TRPM3: variants seen among roughly 807,000 people sequenced by gnomAD.
TRPM3 encodes the protein long transient receptor potential channel 3.
In TRPM3, 77 loss-of-function variants were observed where a neutral mutation model predicts 181.2. That is an observed-to-expected ratio of 0.42 (90% CI 0.35 to 0.51). The LOEUF (loss-of-function observed/expected upper bound fraction) is 0.51. TRPM3 is among the 20% of genes least tolerant of loss of function. The probability of loss-of-function intolerance (pLI) is 0.01; values close to 1 mark genes in which losing one functional copy is unlikely to be tolerated. For missense variants in TRPM3, 1,759 were observed against 2,196.7 expected (o/e 0.80, Z 3.98); for synonymous variants, 745 against 796.4 (o/e 0.94, Z 1.09).
chr9:70,965,188 T>C (rs2097173551), intron 1 of TRPM3, among the ~76,000 whole-genome samples: 1 of 152,142 alleles, frequency 6.6e-6, no homozygotes, highest in Non-Finnish European at 1.5e-5. Context: ...ATAAAATAGT[T>C]CCATTGGTGC....
At chr9:71,327,416 C>T (rs1043382525) in intron 1 of TRPM3, among the ~76,000 whole-genome samples, 3 of 152,056 alleles carry the variant, frequency 2.0e-5, no homozygotes, top group Admixed American at 6.6e-5. Flanking sequence ...AGAAATGTCC[C>T]CTTCAGAAGA....
At chr9:71,042,944 C>T (rs996895534) in intron 1 of TRPM3, among the ~76,000 whole-genome samples, 4 of 152,154 alleles carry the variant, frequency 2.6e-5, no homozygotes, top group Non-Finnish European at 4.4e-5. Flanking sequence ...ACTATAGAGA[C>T]TTTGAAATGA....
chr9:70,542,499 A>G (rs2043713120), intron 25 of TRPM3, among the ~76,000 whole-genome samples: 2 of 152,186 alleles, frequency 1.3e-5, no homozygotes, highest in Admixed American at 1.3e-4. Context: ...GAGAAGGCCC[A>G]GTGGGTGGGT....
At chr9:71,296,078 A>G (rs1221343680) in intron 1 of TRPM3, among the ~76,000 whole-genome samples, 1 of 152,112 alleles carries the variant, frequency 6.6e-6, no homozygotes, top group African/African-American at 2.4e-5. Flanking sequence ...ACTAAGAAAT[A>G]CTAAGTATAG....
intron 1 of TRPM3, among the ~76,000 whole-genome samples, chr9:71,160,965 G>A (rs1314929005): frequency 6.6e-6 from 1 of 152,072 alleles, no homozygotes; most frequent in Non-Finnish European, 1.5e-5. Flanking sequence ...CCAATTCAAT[G>A]TAAATCAATT....
intron 22 of TRPM3, among the ~76,000 whole-genome samples, chr9:70,554,070 G>GA (rs149851563): frequency 1.4e-5 from 2 of 145,816 alleles, no homozygotes; most frequent in Non-Finnish European, 3.0e-5. Context: ...CAAATGGGGG[G>GA]AAAAAAAAAG....
chr9:70,981,238 C>T (rs982236058), intron 1 of TRPM3, among the ~76,000 whole-genome samples: 4 of 152,162 alleles, frequency 2.6e-5, no homozygotes, highest in Non-Finnish European at 5.9e-5. Flanking sequence ...CTGTTGATTT[C>T]TTCTGCAGTT....
chr9:71,351,488 T>G (rs532029072), intron 1 of TRPM3, among the ~76,000 whole-genome samples: 2 of 152,336 alleles, frequency 1.3e-5, no homozygotes, highest in South Asian at 4.1e-4. Flanking sequence ...ATATGATTAG[T>G]GAAAGAATTT....
At chr9:71,397,562 C>T (rs991618718) in intron 1 of TRPM3, among the ~76,000 whole-genome samples, 1 of 152,070 alleles carries the variant, frequency 6.6e-6, no homozygotes, top group African/African-American at 2.4e-5. Context: ...ACTTTTTCAC[C>T]CCTACAAGGC....
At chr9:70,747,493 T>G (rs1010543193) in intron 8 of TRPM3, among the ~76,000 whole-genome samples, 5 of 152,160 alleles carry the variant, frequency 3.3e-5, no homozygotes, top group Admixed American at 3.3e-4. Flanking sequence ...GGCAAAACAT[T>G]CTACTTTACG....
At chr9:71,201,050 C>T (rs1034086404) in intron 1 of TRPM3, among the ~76,000 whole-genome samples, 16 of 151,634 alleles carry the variant, frequency 1.1e-4, no homozygotes, top group Admixed American at 3.3e-4. Context: ...CCTTCAGGAG[C>T]TCTTTTAGGG....
intron 1 of TRPM3, among the ~76,000 whole-genome samples, chr9:71,243,388 G>A (rs375074019): frequency 2.6e-5 from 4 of 152,128 alleles, no homozygotes; most frequent in Admixed American, 1.3e-4. Context: ...TGTCATCTCC[G>A]CTGTGCAGCT....
At chr9:71,210,220 A>G (rs936941629) in intron 1 of TRPM3, among the ~76,000 whole-genome samples, 6 of 151,958 alleles carry the variant, frequency 3.9e-5, no homozygotes, top group African/African-American at 1.5e-4. Context: ...TAGGTTGCGC[A>G]CTCTTTATGA....
chr9:71,161,510 T>C (rs2076270758), intron 1 of TRPM3, among the ~76,000 whole-genome samples: 1 of 152,184 alleles, frequency 6.6e-6, no homozygotes, highest in Non-Finnish European at 1.5e-5. Context: ...CTGATATCTG[T>C]TGTTACGTCC....
chr9:70,883,277 C>A (rs556512170), intron 1 of TRPM3, among the ~76,000 whole-genome samples: 2 of 152,282 alleles, frequency 1.3e-5, no homozygotes, highest in African/African-American at 2.4e-5. Context: ...TTGACTTTTG[C>A]ATTTCCCTCA....
At chr9:71,012,933 A>G (rs1279095095) in intron 1 of TRPM3, among the ~76,000 whole-genome samples, 1 of 152,084 alleles carries the variant, frequency 6.6e-6, no homozygotes, top group Non-Finnish European at 1.5e-5. Context: ...TGATAGTAAG[A>G]TACTGGCCAT....
chr9:71,389,122 G>T (rs1046417587), intron 1 of TRPM3, among the ~76,000 whole-genome samples: 1 of 151,604 alleles, frequency 6.6e-6, no homozygotes, highest in Non-Finnish European at 1.5e-5. Flanking sequence ...AATCTACAAC[G>T]AACTCAAAGC....
intron 1 of TRPM3, among the ~76,000 whole-genome samples, chr9:71,418,498 T>C (rs1791199421): frequency 6.6e-6 from 1 of 151,762 alleles, no homozygotes; most frequent in Admixed American, 6.6e-5. Flanking sequence ...TCTGGTCTCA[T>C]CCTTGCCCAC....
intron 1 of TRPM3, among the ~76,000 whole-genome samples, chr9:71,344,837 T>C (rs2091196696): frequency 6.6e-6 from 1 of 152,014 alleles, no homozygotes; most frequent in Non-Finnish European, 1.5e-5. Flanking sequence ...ATCTGACAAA[T>C]GACTTATAAA....
Sources: allele counts gnomAD v4.1 joint callset (sites outside exome capture counted in the v4.1 genomes callset), GRCh38; gene constraint gnomAD v4.1.1; transcripts MANE v1.5; gene names NCBI Gene and HGNC (gene_info 2026-07-23, HGNC 2026-07-21).